The following KRT35 variants were observed in gnomAD, a reference collection of about 807,000 sequenced individuals.
KRT35 encodes keratin 35.
A neutral mutation model predicts 42.2 loss-of-function variants in KRT35; 33 were observed. The observed-to-expected ratio is 0.78, with a 90% CI of 0.59 to 1.05. The LOEUF (loss-of-function observed/expected upper bound fraction) is 1.05, where lower values mean the gene tolerates loss of function less well. Ranked by LOEUF, KRT35 falls within the 50% of genes least tolerant of loss-of-function variation. The pLI is 0.00. For synonymous variants in KRT35, 218 were observed against 238.2 expected, an observed-to-expected ratio of 0.92 and a Z score of 0.78; for missense variants, 585 against 589.2, an observed-to-expected ratio of 0.99 and a Z score of 0.07.
chr17:41,479,870 G>GCTGACA, intron 1 of KRT35, 89 bp from the exon 2 acceptor site: 6 of 1,080,076 alleles, frequency 5.6e-6, no homozygotes, highest in Non-Finnish European at 8.5e-6. Flanking sequence ...ACTCTGGAAG[G>GCTGACA]AGGAAGTCAC....
rs765232461 is a variant in KRT35, at chr17:41,481,051, T to G, written c.47A>C (p.Lys16Thr). 1 of 1,613,680 alleles carries G rather than the reference T, an allele frequency of 6.2e-7. No individual in the cohort carries two copies. Among genetic ancestry groups the G allele is most frequent in the Non-Finnish European group, 8.5e-7 (1 of 1,179,904 alleles). The change falls in exon 1 of 7, where the codon AAG (lysine) becomes ACG (threonine). Residue 16 changes from lysine (K) to threonine (T), a missense_variant. Coordinates refer to ENST00000246639, the MANE Select transcript of KRT35 (RefSeq NM_002280.6). ...GCCCCCACTGGCCCCTCCTGGGCTCTTGAGAGACCCAGAAGAGAAGCCGGC... is the reference window on the plus strand; with the variant it reads ...GCCCCCACTGGCCCCTCCTGGGCTCGTGAGAGACCCAGAAGAGAAGCCGGC... ...LKAGFSSGSL[K>T]SPGGASGGST...
chr17:41,478,702 T>A, intron 4 of KRT35, 132 bp downstream of exon 4: 1 of 1,113,688 alleles, frequency 9.0e-7, no homozygotes, highest in South Asian at 1.5e-5. Context: ...GAAGTGGGTC[T>A]GTTTTGACCT....
rs925295997 is a variant in KRT35 at position 41,477,523 on chromosome 17, G to A, written c.1215C>T (p.Asp405=). 6.2e-7 allele frequency: 1 copy of A among 1,613,290 alleles called. No homozygotes were observed. The highest frequency in any genetic ancestry group is 8.5e-7 in the Non-Finnish European group (1 of 1,180,038). ...GCACATGCAGTGATACTCACTTGCT[G>A]TCCTCACTCTCCAGCAGGCCCCGGT... is the stretch of plus-strand genomic sequence containing the variant. The part of the protein sequence containing the change: ...NTYRGLLESE[D]SKLPCNPCAP... The change falls in exon 6 of 7, where the codon GAC becomes GAT. Residue 405 remains aspartate, a synonymous_variant. Coordinates refer to ENST00000246639, the MANE Select transcript of KRT35 (RefSeq NM_002280.6).
Position 41,477,507 on chromosome 17 carries a change from G to A in KRT35, c.1220+11C>T. 6.2e-7 allele frequency: 1 copy of A among 1,612,900 alleles called. No individual in the cohort carries two copies. Among genetic ancestry groups the A allele is most frequent in the South Asian group, 1.1e-5 (1 of 91,020 alleles). ...CAGTGAGAAGACAAGAGCACATGCA[G>A]TGATACTCACTTGCTGTCCTCACTC... On this transcript the variant is annotated intron_variant, in intron 6 of 6. Transcript: ENST00000246639.
At chr17:41,479,127 C>A in intron 3 of KRT35, 132 bp from the exon 4 acceptor site, 1 of 1,033,612 alleles carries the variant, frequency 9.7e-7, no homozygotes, top group South Asian at 1.6e-5. Flanking sequence ...ATCTGCTCCC[C>A]ATGCCCACCT....
rs2019178694 is a variant in KRT35 at position 41,476,950 on chromosome 17, T to C, written c.*106A>G. 1.7e-6 allele frequency: 2 copies of C among 1,159,854 alleles called. No homozygotes were observed. The highest frequency in any genetic ancestry group is 1.2e-6 in the Non-Finnish European group (1 of 828,354). 71.8% of individuals were successfully genotyped at this position (1,159,854 alleles called of 1,614,324 possible). A position where few individuals can be genotyped will look rare whatever the true frequency, so the allele number is the denominator to read the frequency against. On this transcript the variant is annotated 3_prime_UTR_variant, in exon 7 of 7. Transcript: ENST00000246639. ...AGCCTTTTCAGCCAGACCCTGGGCC[T>C]GGGCTCTGCGCGAAGAGAGGGGATT... is the stretch of plus-strand genomic sequence containing the variant.
intron 3 of KRT35, 66 bp from the exon 4 acceptor site, chr17:41,479,061 A>G (rs1463662519): frequency 6.7e-7 from 1 of 1,484,690 alleles, no homozygotes; most frequent in Non-Finnish European, 9.2e-7. Flanking sequence ...CCTCCTCCTC[A>G]TGTTCACCTC....
At chr17:41,477,412 CA>C in intron 6 of KRT35, 105 bp downstream of exon 6, 2 of 1,481,212 alleles carry the variant, frequency 1.4e-6, no homozygotes, top group Middle Eastern at 4.9e-4. Context: ...ACTAAGAGAA[CA>C]GAACTCCAGA....
Position 41,480,822 on chromosome 17 carries a change from G to A in KRT35, c.276C>T (p.Ile92=), listed in dbSNP as rs549831235. 1 of 1,614,196 alleles carries A rather than the reference G, an allele frequency of 6.2e-7. No homozygotes were observed. Among genetic ancestry groups the A allele is most frequent in the African/African-American group, 1.3e-5 (1 of 75,050 alleles). Residue 92 remains isoleucine (I), a synonymous_variant, in exon 1 of 7, where the codon ATC becomes ATT. Transcript: ENST00000246639. Reference sequence around the variant, plus strand: ...TGGTCTCCTTCTCATTGCCAGTGAGGATGCCCTCCCCAAACCAGCCCCCAC... The same window carrying A: ...TGGTCTCCTTCTCATTGCCAGTGAGAATGCCCTCCCCAAACCAGCCCCCAC... ...SGGGGWFGEG[I]LTGNEKETMQ...
chr17:41,479,094 A>C, intron 3 of KRT35, 99 bp from the exon 4 acceptor site: 1 of 1,215,590 alleles, frequency 8.2e-7, no homozygotes, highest in Non-Finnish European at 1.2e-6. Flanking sequence ...ACCCCTCCTA[A>C]TGCTCACCTC....
chr17:41,479,635 G>C, intron 2 of KRT35, 64 bp downstream of exon 2: 11 of 1,570,668 alleles, frequency 7.0e-6, no homozygotes, highest in Non-Finnish European at 8.7e-6. Context: ...AAAACCCTGA[G>C]CTCAGGCATC....
chr17:41,477,730 A>G lies in KRT35; in HGVS notation c.1008T>C (p.Ala336=), dbSNP rs1221283694. 7 of 1,613,628 alleles carry G rather than the reference A, an allele frequency of 4.3e-6. No individual in the cohort carries two copies. Among genetic ancestry groups the G allele is most frequent in the Non-Finnish European group, 5.9e-6 (7 of 1,179,800 alleles). ...CCGTCTCTGCCAGGGTGGATTCCAAAGCATCTCTCTGTGAGGGCAAGAGTT... is the reference window on the plus strand; with the variant it reads ...CCGTCTCTGCCAGGGTGGATTCCAAGGCATCTCTCTGTGAGGGCAAGAGTT... ...ELQAQHSMRD[A]LESTLAETEA... is the part of the protein sequence containing the mutation. The change falls in exon 6 of 7, where the codon GCT becomes GCC. Residue 336 remains alanine (A), a synonymous_variant. Coordinates refer to ENST00000246639, the MANE Select transcript of KRT35 (RefSeq NM_002280.6).
At chr17:41,477,319 C>T (rs2019186330) in intron 6 of KRT35, 116 bp from the exon 7 acceptor site, 2 of 1,359,382 alleles carry the variant, frequency 1.5e-6, no homozygotes, top group Non-Finnish European at 2.0e-6. Context: ...GATCCTGCCC[C>T]CTTGTTTTAC....
chr17:41,477,821 G>A, intron 5 of KRT35, 83 bp from the exon 6 acceptor site: 1 of 1,485,002 alleles, frequency 6.7e-7, no homozygotes. Context: ...TGGAGCTATA[G>A]CGGGCCTCCG....
At chr17:41,479,904 A>G (rs1053359178) in intron 1 of KRT35, 123 bp from the exon 2 acceptor site, 24 of 739,606 alleles carry the variant, frequency 3.2e-5, no homozygotes, top group Non-Finnish European at 2.3e-6. Context: ...CTGCTACTCC[A>G]TGTGCATTGG....
At chr17:41,477,414 G>T (rs2019188070) in intron 6 of KRT35, 104 bp downstream of exon 6, 2 of 1,488,354 alleles carry the variant, frequency 1.3e-6, no homozygotes, top group South Asian at 1.3e-5. Flanking sequence ...TAAGAGAACA[G>T]AACTCCAGAC....
chr17:41,476,941 C>T lies in KRT35; in HGVS notation c.*115G>A. ...TTTGCAGAAAGCCTTTTCAGCCAGA[C>T]CCTGGGCCTGGGCTCTGCGCGAAGA... On this transcript the variant is annotated 3_prime_UTR_variant, in exon 7 of 7. Coordinates refer to ENST00000246639, the MANE Select transcript of KRT35 (RefSeq NM_002280.6). 1.9e-6 allele frequency: 2 copies of T among 1,080,376 alleles called. No individual in the cohort carries two copies. Among genetic ancestry groups the T allele is most frequent in the Non-Finnish European group, 2.6e-6 (2 of 765,710 alleles). The allele number at this position is 1,080,376 out of a possible 1,614,324, so 66.9% of individuals were successfully genotyped here.
At chr17:41,477,287 G>C in intron 6 of KRT35, 84 bp from the exon 7 acceptor site, 2 of 1,511,896 alleles carry the variant, frequency 1.3e-6, no homozygotes, top group South Asian at 1.2e-5. Flanking sequence ...TGCAAACTGG[G>C]AAGCACCCTA....
At chr17:41,480,027 A>T (rs560782381) in intron 1 of KRT35, among the ~76,000 whole-genome samples, 3 of 152,282 alleles carry the variant, frequency 2.0e-5, no homozygotes, top group Non-Finnish European at 4.4e-5. Flanking sequence ...ATGCAACAGG[A>T]AAGGCCTGGC....
Sources: allele counts gnomAD v4.1 joint callset (sites outside exome capture counted in the v4.1 genomes callset), GRCh38; gene constraint gnomAD v4.1.1; transcripts MANE v1.5; gene names NCBI Gene and HGNC (gene_info 2026-07-23, HGNC 2026-07-21).